PTH2R: variants seen among roughly 807,000 people sequenced by gnomAD.
The protein encoded by PTH2R is PTH2 receptor.
Under a neutral mutation model 60.3 loss-of-function variants are expected in PTH2R, and 59 were observed. The ratio of observed to expected loss-of-function variants is 0.98; its 90% CI spans 0.79 to 1.22. The LOEUF is 1.22. PTH2R is among the 50% of genes most tolerant of loss of function. The pLI is 0.00. For missense variants in PTH2R, 749 were observed against 682.6 expected, an observed-to-expected ratio of 1.10 and a Z score of -1.08; for synonymous variants, 256 against 243.8, an observed-to-expected ratio of 1.05 and a Z score of -0.47.
intron 9 of PTH2R, among the ~76,000 whole-genome samples, chr2:208,473,022 T>G (rs1487539460): frequency 3.9e-5 from 6 of 152,218 alleles, no homozygotes; most frequent in Non-Finnish European, 8.8e-5. Flanking sequence ...TGTTTCCTTA[T>G]GTAGGGGCAC....
chr2:208,405,827 C>T (rs1439791686), upstream of PTH2R, among the ~76,000 whole-genome samples: 1 of 152,078 alleles, frequency 6.6e-6, no homozygotes, highest in African/African-American at 2.4e-5. Context: ...TAAAAGAGAC[C>T]TCAGAAAAAT....
intron 1 of PTH2R, among the ~76,000 whole-genome samples, chr2:208,388,178 T>C (rs1701042250): frequency 7.2e-6 from 1 of 138,422 alleles, no homozygotes; most frequent in Admixed American, 7.4e-5. Context: ...TAGCCGGGCG[T>C]GGTGGCGGTC....
chr2:208,448,644 A>G (rs1702338855), intron 7 of PTH2R, among the ~76,000 whole-genome samples: 1 of 149,960 alleles, frequency 6.7e-6, no homozygotes, highest in African/African-American at 2.5e-5. Context: ...AAAAAAAAAA[A>G]GAAAATAACT....
At chr2:208,482,002 T>C (rs1047775127) in intron 10 of PTH2R, among the ~76,000 whole-genome samples, 2 of 152,212 alleles carry the variant, frequency 1.3e-5, no homozygotes, top group African/African-American at 4.8e-5. Flanking sequence ...TTCTGAATAT[T>C]AGTGGCATCT....
chr2:208,392,147 C>T (rs967365535), intron 1 of PTH2R, among the ~76,000 whole-genome samples: 2 of 152,256 alleles, frequency 1.3e-5, no homozygotes, highest in Non-Finnish European at 2.9e-5. Flanking sequence ...GACTGCAAAC[C>T]ATTTAGTTCC....
intron 1 of PTH2R, among the ~76,000 whole-genome samples, chr2:208,411,339 GA>G (rs1162420093): frequency 5.9e-5 from 9 of 152,226 alleles, no homozygotes; most frequent in Non-Finnish European, 2.9e-5. Context: ...TTAAAGATAA[GA>G]GAGTTGGTTT....
chr2:208,411,731 T>A (rs1701543191), intron 1 of PTH2R, among the ~76,000 whole-genome samples: 1 of 152,224 alleles, frequency 6.6e-6, no homozygotes. Context: ...ATTCATTAAA[T>A]TTTTAAACAG....
upstream of PTH2R, among the ~76,000 whole-genome samples, chr2:208,402,583 G>A (rs187732015): frequency 7.9e-5 from 12 of 152,230 alleles, no homozygotes; most frequent in Admixed American, 2.0e-4. Flanking sequence ...CATTTTCAAT[G>A]TTCCTTCCTA....
chr2:208,414,862 C>T (rs1437417), intron 1 of PTH2R, among the ~76,000 whole-genome samples: 150,260 of 152,178 alleles, frequency 0.99, 74,206 homozygotes, highest in Middle Eastern at 1. Flanking sequence ...GTGGTCTTCC[C>T]TTTCAAAACA....
At chr2:208,475,703 G>A (rs1702986536) in intron 9 of PTH2R, among the ~76,000 whole-genome samples, 1 of 152,088 alleles carries the variant, frequency 6.6e-6, no homozygotes. Flanking sequence ...GATGTTGATG[G>A]GTATTAGGAA....
Position 208,493,713 on chromosome 2 carries a change from A to G in PTH2R, c.*54A>G. On this transcript the variant is annotated 3_prime_UTR_variant, in exon 13 of 13. Coordinates refer to ENST00000272847, the MANE Select transcript of PTH2R (RefSeq NM_005048.4). ...CTGGTCCAATGGCTGGTTGTGTGAG[A>G]GGGCTTGGCTGATACTCCTATGCTT... 1 of 1,498,968 alleles carries G rather than the reference A, an allele frequency of 6.7e-7. No homozygotes were observed. Among genetic ancestry groups the G allele is most frequent in the Non-Finnish European group, 8.9e-7 (1 of 1,120,970 alleles). The allele number at this position is 1,498,968 out of a possible 1,614,324, so 92.9% of individuals were successfully genotyped here.
Position 208,489,128 on chromosome 2 carries a change from A to T in PTH2R, c.1193A>T (p.Glu398Val). 6.2e-7 allele frequency: 1 copy of T among 1,613,908 alleles called. No individual in the cohort carries two copies. ...GLGWEIRMHC[E>V]LFFNSFQGFF... ...GGGTGGGAGATCCGCATGCACTGTG[A>T]GCTCTTCTTCAACTCCTTTCAGGTA... is the stretch of plus-strand genomic sequence containing the variant. The change falls in exon 11 of 13, where the codon GAG (glutamate) becomes GTG (valine). Residue 398 changes from glutamate (E) to valine (V), a missense_variant. Coordinates refer to ENST00000272847, the MANE Select transcript of PTH2R (RefSeq NM_005048.4).
chr2:208,428,813 G>A (rs147829673), intron 2 of PTH2R, among the ~76,000 whole-genome samples: 5,031 of 152,272 alleles, frequency 0.033, 259 homozygotes, highest in African/African-American at 0.11. Flanking sequence ...AGCCGGGCAC[G>A]GTGGCTCACG....
At chr2:208,431,537 A>G (rs1322219308) in intron 2 of PTH2R, among the ~76,000 whole-genome samples, 2 of 152,228 alleles carry the variant, frequency 1.3e-5, no homozygotes, top group African/African-American at 4.8e-5. Context: ...ATTTAAACTA[A>G]ATTTAGATCA....
At chr2:208,442,719 A>G (rs1702211322) in intron 5 of PTH2R, among the ~76,000 whole-genome samples, 2 of 152,228 alleles carry the variant, frequency 1.3e-5, no homozygotes, top group African/African-American at 2.4e-5. Context: ...TTGCAAAGTA[A>G]GACAGCATCG....
rs1227484133 is a variant in PTH2R at position 208,437,649 on chromosome 2, T to C, written c.289+2T>C. ...ATATTTATGACTTCAACCATAAAGG[T>C]ATTGAATTTTTCTAAAATGATTAAT... On this transcript the variant is annotated splice_donor_variant, in intron 3 of 12. Transcript: ENST00000272847. LOFTEE classifies it high-confidence loss of function. 6.2e-7 allele frequency: 1 copy of C among 1,606,608 alleles called. No homozygotes were observed. The highest frequency in any genetic ancestry group is 1.3e-5 in the African/African-American group (1 of 74,530).
chr2:208,415,863 C>T (rs1701630782), intron 1 of PTH2R, among the ~76,000 whole-genome samples: 1 of 152,064 alleles, frequency 6.6e-6, no homozygotes, highest in Non-Finnish European at 1.5e-5. Flanking sequence ...AGCCATTTAC[C>T]AATGGTGAAT....
At chr2:208,390,306 G>A (rs1460282763) in intron 1 of PTH2R, among the ~76,000 whole-genome samples, 1 of 152,160 alleles carries the variant, frequency 6.6e-6, no homozygotes, top group South Asian at 2.1e-4. Flanking sequence ...GGGGTGGAAT[G>A]TTCTCCTGAG....
At chr2:208,382,042 C>T (rs544076204) in intron 1 of PTH2R, among the ~76,000 whole-genome samples, 17 of 152,230 alleles carry the variant, frequency 1.1e-4, no homozygotes, top group African/African-American at 4.1e-4. Flanking sequence ...TATCCACAGT[C>T]AAGAAGAATT....
Sources: allele counts gnomAD v4.1 joint callset (sites outside exome capture counted in the v4.1 genomes callset), GRCh38; gene constraint gnomAD v4.1.1; transcripts MANE v1.5; gene names NCBI Gene and HGNC (gene_info 2026-07-23, HGNC 2026-07-21).